Variants in EEA1 observed in about 807,000 individuals in gnomAD.
The protein encoded by EEA1 is early endosome antigen 1, 162kD.
Under a neutral mutation model 209.2 loss-of-function variants are expected in EEA1, and 111 were observed. The ratio of observed to expected loss-of-function variants is 0.53; its 90% CI spans 0.45 to 0.62. EEA1 has a LOEUF of 0.62. Among genes scored for constraint, EEA1 ranks in the 20% least tolerant of loss-of-function variants. EEA1 has a pLI of 0.00. For synonymous variants in EEA1, 536 were observed against 540.6 expected, an observed-to-expected ratio of 0.99 and a Z score of 0.12; for missense variants, 1,343 against 1,530.8, an observed-to-expected ratio of 0.88 and a Z score of 2.05.
intron 14 of EEA1, among the ~76,000 whole-genome samples, chr12:92,817,016 T>C (rs1875824595): frequency 6.6e-6 from 1 of 151,370 alleles, no homozygotes; most frequent in Non-Finnish European, 1.5e-5. Flanking sequence ...ACCAAGCTTT[T>C]TGACCATGTT....
chr12:92,837,358 C>A (rs1204654004), intron 10 of EEA1, among the ~76,000 whole-genome samples: 1 of 152,160 alleles, frequency 6.6e-6, no homozygotes, highest in East Asian at 1.9e-4. Context: ...CTGCACTATA[C>A]TGTTCTTATC....
intron 10 of EEA1, among the ~76,000 whole-genome samples, chr12:92,833,681 CA>C (rs541565537): frequency 2.6e-5 from 4 of 152,192 alleles, no homozygotes; most frequent in Admixed American, 2.6e-4. Flanking sequence ...CTTTAGTGTA[CA>C]AACTTACATG....
chr12:92,782,655 T>C (rs1000131189), intron 22 of EEA1, among the ~76,000 whole-genome samples: 1 of 152,172 alleles, frequency 6.6e-6, no homozygotes, highest in African/African-American at 2.4e-5. Flanking sequence ...GATATAGTGG[T>C]TTTTGTCCAG....
At chr12:92,926,908 T>C (rs569972614) in intron 1 of EEA1, among the ~76,000 whole-genome samples, 1 of 152,254 alleles carries the variant, frequency 6.6e-6, no homozygotes, top group South Asian at 2.1e-4. Flanking sequence ...CATAGCACTG[T>C]CATTACTTTT....
intron 5 of EEA1, among the ~76,000 whole-genome samples, chr12:92,856,407 T>C (rs1371856030): frequency 6.6e-6 from 1 of 152,176 alleles, no homozygotes; most frequent in African/African-American, 2.4e-5. Flanking sequence ...CTGCAGTGAT[T>C]TTCTTCTGTT....
chr12:92,909,115 T>C (rs116844689), intron 1 of EEA1, among the ~76,000 whole-genome samples: 2,245 of 152,276 alleles, frequency 0.015, 26 homozygotes, highest in Middle Eastern at 0.027. Flanking sequence ...CAGCCCTGTT[T>C]CTTAACAATA....
At chr12:92,811,605 G>A (rs1029827681) in intron 16 of EEA1, among the ~76,000 whole-genome samples, 171 bp from the exon 17 acceptor site, 7 of 152,068 alleles carry the variant, frequency 4.6e-5, no homozygotes, top group Admixed American at 1.3e-4. Flanking sequence ...CAATATAAAC[G>A]ACATGAACTA....
intron 1 of EEA1, among the ~76,000 whole-genome samples, chr12:92,898,890 A>C (rs941968611): frequency 1.3e-5 from 2 of 150,670 alleles, no homozygotes; most frequent in Non-Finnish European, 3.0e-5. Flanking sequence ...CTATGTTTCA[A>C]TAAAGATGGC....
Position 92,929,286 on chromosome 12 carries a change from G to T in EEA1, c.-220C>A. The T allele has an allele frequency of 5.2e-6, 2 of 383,382 alleles. No individual in the cohort carries two copies. Among genetic ancestry groups the T allele is most frequent in the Non-Finnish European group, 9.3e-6 (2 of 215,024 alleles). The allele number at this position is 383,382 out of a possible 1,614,324, so 23.7% of individuals were successfully genotyped here. A position where few individuals can be genotyped will look rare whatever the true frequency, so the allele number is the denominator to read the frequency against. On this transcript the variant is annotated 5_prime_UTR_variant, in exon 1 of 29. Transcript: ENST00000322349. ...GCGAGCGAACGACTAGGCAGCCTGC[G>T]AGCGCCTCCAGCCCGCCCGCCGGGC...
intron 1 of EEA1, among the ~76,000 whole-genome samples, chr12:92,893,751 CT>C (rs1012345488): frequency 6.6e-6 from 1 of 150,614 alleles, no homozygotes. Flanking sequence ...CATTTTGCTA[CT>C]TTTTTTTTCA....
chr12:92,897,791 G>A (rs912893844), intron 1 of EEA1, among the ~76,000 whole-genome samples: 2 of 152,048 alleles, frequency 1.3e-5, no homozygotes, highest in East Asian at 1.9e-4. Context: ...ATTATAGACC[G>A]GATGACAGAG....
Position 92,778,204 on chromosome 12 carries a change from G to A in EEA1, c.3655-25C>T, listed in dbSNP as rs199932446. 13 of 1,569,010 alleles carry A rather than the reference G, an allele frequency of 8.3e-6. No homozygotes were observed. In the Admixed American group the frequency reaches 1.5e-4, roughly 19 times the overall value. On this transcript the variant is annotated intron_variant, in intron 25 of 28. Transcript: ENST00000322349. ...GCTGAAAAAAAGGAAAAGTTGGGGG[G>A]AAATCTATTACAAAAGTAGTGCAAA...
At chr12:92,925,234 T>C (rs1881168970) in intron 1 of EEA1, among the ~76,000 whole-genome samples, 1 of 152,022 alleles carries the variant, frequency 6.6e-6, no homozygotes, top group South Asian at 2.1e-4. Flanking sequence ...TTTTGTTTTG[T>C]TTTTAACACA....
rs188720607 is a variant in EEA1, at chr12:92,875,053, C to T, written c.118-10066G>A. 2.0e-3 allele frequency among the ~76,000 whole-genome samples: 304 copies of T among 152,194 alleles called. 3 individuals are homozygous for T. The highest frequency in any genetic ancestry group is 7.1e-3 in the African/African-American group (295 of 41,518). On this transcript the variant is annotated intron_variant, in intron 2 of 28. Transcript: ENST00000322349. ...TAAAAATCACATGGGCATGTGATTA[C>T]TATGTTCTAGCTGTTGTGGTATGGT...
Position 92,809,115 on chromosome 12 carries a change from C to A in EEA1, c.2241G>T (p.Glu747Asp). ...ADSLEVKASK[E>D]QALQDLQQQR... ...GCTGTTGTAGATCTTGCAAAGCCTGCTCCTTGCTTGCTTTAACTTCAAGAC... is the reference window on the plus strand; with the variant it reads ...GCTGTTGTAGATCTTGCAAAGCCTGATCCTTGCTTGCTTTAACTTCAAGAC... The change falls in exon 18 of 29, where the codon GAG (glutamate) becomes GAT (aspartate). Residue 747 changes from glutamate (E) to aspartate (D), a missense_variant. Physicochemically the swap from Glu to Asp is conservative, Grantham distance 45 (BLOSUM62 2). Coordinates refer to ENST00000322349, the MANE Select transcript of EEA1 (RefSeq NM_003566.4). The A allele has an allele frequency of 6.2e-7, 1 of 1,600,952 alleles. No homozygotes were observed. Among genetic ancestry groups the A allele is most frequent in the Non-Finnish European group, 8.5e-7 (1 of 1,173,226 alleles).
chr12:92,783,467 C>T (rs942309112), intron 22 of EEA1, among the ~76,000 whole-genome samples: 1 of 152,156 alleles, frequency 6.6e-6, no homozygotes, highest in African/African-American at 2.4e-5. Context: ...AACAACTTCA[C>T]AGCTGACAAC....
intron 21 of EEA1, among the ~76,000 whole-genome samples, chr12:92,793,962 A>G (rs1411872032): frequency 6.6e-6 from 1 of 152,154 alleles, no homozygotes; most frequent in Non-Finnish European, 1.5e-5. Context: ...ATGGGAGAAA[A>G]TTTTTGCAAT....
At position 92,789,999 on chromosome 12, in the gene EEA1, AAC is replaced by A. The variant is rs200118522; in HGVS notation, c.2968-1952_2968-1951del. ...AGCCTCCGCTGGTGATACCCAGGCA[AAC>A]AGAGTCTGGAGTGGAACTCCAACAG... is the stretch of plus-strand genomic sequence containing the variant. On this transcript the variant is annotated intron_variant, in intron 21 of 28. Transcript: ENST00000322349. Among the ~76,000 whole-genome samples the A allele has an allele frequency of 2.4e-4, 36 of 152,360 alleles. No individual in the cohort carries two copies. In the East Asian group the frequency reaches 6.6e-3, roughly 28 times the overall value.
intron 21 of EEA1, among the ~76,000 whole-genome samples, chr12:92,793,611 A>G (rs1874513995): frequency 6.6e-6 from 1 of 152,208 alleles, no homozygotes; most frequent in Non-Finnish European, 1.5e-5. Flanking sequence ...GCTACAAACT[A>G]CTGCTCAATG....
Sources: allele counts gnomAD v4.1 joint callset (sites outside exome capture counted in the v4.1 genomes callset), GRCh38; gene constraint gnomAD v4.1.1; transcripts MANE v1.5; gene names NCBI Gene and HGNC (gene_info 2026-07-23, HGNC 2026-07-21).